The following ARRB1 variants were observed in gnomAD, a reference collection of about 807,000 sequenced individuals.
ARRB1 encodes the protein beta-arrestin-1.
Under a neutral mutation model 56.8 loss-of-function variants are expected in ARRB1, and 21 were observed. The observed-to-expected ratio is 0.37, with a 90% CI of 0.26 to 0.53. ARRB1 has a LOEUF of 0.53. Among genes scored for constraint, ARRB1 ranks in the 20% least tolerant of loss-of-function variants. The probability of loss-of-function intolerance (pLI) is 0.88; values close to 1 mark genes in which losing one functional copy is unlikely to be tolerated. For missense variants in ARRB1, 424 were observed against 553.7 expected (o/e 0.77, Z 2.35); for synonymous variants, 210 against 218.6 (o/e 0.96, Z 0.35).
At chr11:75,279,099 A>G (rs1219242037) in intron 7 of ARRB1, among the ~76,000 whole-genome samples, 1 of 152,152 alleles carries the variant, frequency 6.6e-6, no homozygotes, top group African/African-American at 2.4e-5. Context: ...TCCCTCTGTC[A>G]TCTATTTTGG....
At chr11:75,306,952 C>A (rs1454768069) in intron 1 of ARRB1, among the ~76,000 whole-genome samples, 3 of 152,146 alleles carry the variant, frequency 2.0e-5, no homozygotes, top group Non-Finnish European at 4.4e-5. Context: ...ACCAGAGTGA[C>A]CCCTCAAGTT....
chr11:75,330,336 C>T (rs547428415), intron 1 of ARRB1, among the ~76,000 whole-genome samples: 34 of 152,282 alleles, frequency 2.2e-4, no homozygotes, highest in African/African-American at 8.2e-4. Context: ...CCAGGAAAAG[C>T]TGTTGAAGGA....
intron 10 of ARRB1, among the ~76,000 whole-genome samples, chr11:75,275,210 G>A (rs949677010): frequency 6.7e-6 from 1 of 149,682 alleles, no homozygotes; most frequent in Admixed American, 6.7e-5. Flanking sequence ...ACAGTAGTGC[G>A]ATCCTGGCTC....
chr11:75,330,595 T>C (rs1224846989), intron 1 of ARRB1, among the ~76,000 whole-genome samples: 7 of 152,286 alleles, frequency 4.6e-5, no homozygotes, highest in East Asian at 1.9e-4. Flanking sequence ...TTCAAATCCA[T>C]TGTGAGGCCA....
At chr11:75,321,705 C>T (rs945558626) in intron 1 of ARRB1, among the ~76,000 whole-genome samples, 3 of 152,202 alleles carry the variant, frequency 2.0e-5, no homozygotes, top group African/African-American at 7.2e-5. Flanking sequence ...TAGCAGTGCC[C>T]ACCCCATCAG....
chr11:75,311,519 A>G (rs1340959746), intron 1 of ARRB1, among the ~76,000 whole-genome samples: 1 of 152,216 alleles, frequency 6.6e-6, no homozygotes, highest in African/African-American at 2.4e-5. Context: ...GAGAACGTTA[A>G]AGGAACAGGC....
At chr11:75,330,982 A>G (rs1947511117) in intron 1 of ARRB1, among the ~76,000 whole-genome samples, 1 of 152,242 alleles carries the variant, frequency 6.6e-6, no homozygotes, top group South Asian at 2.1e-4. Flanking sequence ...CAGCACTTGC[A>G]TTCCAGCAGG....
At chr11:75,326,379 T>C (rs1395020365) in intron 1 of ARRB1, among the ~76,000 whole-genome samples, 1 of 152,210 alleles carries the variant, frequency 6.6e-6, no homozygotes, top group African/African-American at 2.4e-5. Context: ...ACTTACTTTG[T>C]GCCAAGCACT....
rs534462041 is a variant in ARRB1 at position 75,343,318 on chromosome 11, G to A, written c.20+8270C>T. 5.3e-5 allele frequency among the ~76,000 whole-genome samples: 8 copies of A among 152,268 alleles called. No homozygotes were observed. In the East Asian group the frequency reaches 1.5e-3, roughly 29 times the overall value. On this transcript the variant is annotated intron_variant, in intron 1 of 15. Transcript: ENST00000420843. ...CCAGGCCTTGAAGGATGGGACAGCT[G>A]TTGTATGTGGTCAAGTCAGCAATCA...
chr11:75,264,569 C>T lies in ARRB1; in HGVS notation c.*1594G>A, dbSNP rs1054608734. ...ATCAATCCCTTCCCAGTCTTGGGCA[C>T]AGGGTGGGGTTGAGGGCAGTTGGTG... On this transcript the variant is annotated 3_prime_UTR_variant, in exon 16 of 16. Transcript: ENST00000420843. The T allele has an allele frequency of 6.6e-6, 1 of 152,190 alleles. No homozygotes were observed. Among genetic ancestry groups the T allele is most frequent in the Non-Finnish European group, 1.5e-5 (1 of 68,072 alleles). 9.4% of individuals were successfully genotyped at this position (152,190 alleles called of 1,614,324 possible). A position where few individuals can be genotyped will look rare whatever the true frequency, so the allele number is the denominator to read the frequency against.
Position 75,278,702 on chromosome 11 carries a change from T to C in ARRB1, c.525A>G (p.Pro175=). The part of the protein sequence containing the change: ...RLVIRKVQYA[P]ERPGPQPTAE... Reference sequence around the variant, plus strand: ...CTGTGGGCTGGGGGCCAGGCCTCTCTGGGGCATACTGAACCTTCCGGATGA... The same window carrying C: ...CTGTGGGCTGGGGGCCAGGCCTCTCCGGGGCATACTGAACCTTCCGGATGA... Residue 175 remains proline (P), a synonymous_variant, in exon 8 of 16, where the codon CCA becomes CCG. Coordinates refer to ENST00000420843, the MANE Select transcript of ARRB1 (RefSeq NM_004041.5). The C allele has an allele frequency of 1.2e-6, 2 of 1,613,886 alleles. No homozygotes were observed. The highest frequency in any genetic ancestry group is 1.7e-6 in the Non-Finnish European group (2 of 1,179,860).
At chr11:75,338,013 T>C (rs1385836720) in intron 1 of ARRB1, among the ~76,000 whole-genome samples, 1 of 151,986 alleles carries the variant, frequency 6.6e-6, no homozygotes, top group South Asian at 2.1e-4. Context: ...AGAGATCGGC[T>C]TGAGCAAAGG....
At chr11:75,342,573 G>A (rs372077862) in intron 1 of ARRB1, among the ~76,000 whole-genome samples, 71 of 152,234 alleles carry the variant, frequency 4.7e-4, no homozygotes, top group African/African-American at 1.7e-3. Flanking sequence ...TCCTCAGGCC[G>A]GGTCAAACCA....
At chr11:75,348,401 A>T (rs1057048317) in intron 1 of ARRB1, among the ~76,000 whole-genome samples, 4 of 152,080 alleles carry the variant, frequency 2.6e-5, no homozygotes, top group Non-Finnish European at 1.5e-5. Context: ...CCCACAACAC[A>T]TGTCATCCTG....
chr11:75,324,440 A>T (rs1008248909), intron 1 of ARRB1, among the ~76,000 whole-genome samples: 2 of 152,086 alleles, frequency 1.3e-5, no homozygotes, highest in African/African-American at 2.4e-5. Flanking sequence ...TCAGGTAGGG[A>T]TGAGGTCTGG....
intron 7 of ARRB1, among the ~76,000 whole-genome samples, chr11:75,280,026 G>A (rs1230484066): frequency 6.6e-6 from 1 of 152,202 alleles, no homozygotes; most frequent in African/African-American, 2.4e-5. Flanking sequence ...GCCCAGCACT[G>A]TAAATGGTGT....
chr11:75,344,480 C>T (rs1244534559), intron 1 of ARRB1, among the ~76,000 whole-genome samples: 1 of 152,136 alleles, frequency 6.6e-6, no homozygotes, highest in Non-Finnish European at 1.5e-5. Flanking sequence ...GATGGTGAGC[C>T]ACAGCAGTCT....
chr11:75,278,870 CA>C, intron 7 of ARRB1, 126 bp from the exon 8 acceptor site: 1 of 1,331,226 alleles, frequency 7.5e-7, no homozygotes. Flanking sequence ...AGAATCCAGC[CA>C]AACTGCAGAG....
chr11:75,300,106 G>A (rs1003637082), intron 1 of ARRB1, among the ~76,000 whole-genome samples: 1 of 150,744 alleles, frequency 6.6e-6, no homozygotes, highest in African/African-American at 2.4e-5. Context: ...TCAGGAGGCT[G>A]AGGCAGGAGA....
Sources: gnomAD v4.1 joint callset for allele counts (sites outside exome capture counted in the v4.1 genomes callset) on GRCh38, gnomAD v4.1.1 for gene constraint, MANE v1.5 for transcripts, NCBI Gene and HGNC (gene_info 2026-07-23, HGNC 2026-07-21) for gene names.